The following KANK1 variants were observed in gnomAD, a reference collection of about 807,000 sequenced individuals.
KANK1 encodes KN motif and ankyrin repeat domains 1.
Under a neutral mutation model 106.2 loss-of-function variants are expected in KANK1, and 109 were observed. The observed-to-expected ratio is 1.03, with a 90% CI of 0.88 to 1.20. KANK1 has a LOEUF of 1.20. KANK1 is among the 50% of genes most tolerant of loss of function. The pLI is 0.00. For missense variants in KANK1, 2,399 were observed against 1,710.7 expected (o/e 1.40, Z -7.10); for synonymous variants, 873 against 652.2 (o/e 1.34, Z -5.16).
intron 1 of KANK1, among the ~76,000 whole-genome samples, chr9:663,065 T>G (rs1843723030): frequency 6.6e-6 from 1 of 152,196 alleles, no homozygotes; most frequent in Non-Finnish European, 1.5e-5. Flanking sequence ...CACACGAGCT[T>G]GTCATTAACA....
chr9:598,832 G>A (rs1434788051), intron 1 of KANK1, among the ~76,000 whole-genome samples: 27 of 148,976 alleles, frequency 1.8e-4, no homozygotes, highest in Admixed American at 1.3e-3. Flanking sequence ...GAGTCTTGAC[G>A]TGTTGGCCAG....
intron 1 of KANK1, among the ~76,000 whole-genome samples, chr9:524,935 G>A (rs1455582316): frequency 6.8e-6 from 1 of 146,008 alleles, no homozygotes; most frequent in Non-Finnish European, 1.5e-5. Flanking sequence ...AACTACTATT[G>A]TCTATTGCTT....
chr9:591,334 G>T (rs1824823202), intron 1 of KANK1, among the ~76,000 whole-genome samples: 1 of 151,690 alleles, frequency 6.6e-6, no homozygotes, highest in Non-Finnish European at 1.5e-5. Context: ...GAATGCCTTG[G>T]TATTTGTTGC....
At chr9:646,360 AAT>A (rs1839671352) in intron 1 of KANK1, among the ~76,000 whole-genome samples, 1 of 150,924 alleles carries the variant, frequency 6.6e-6, no homozygotes, top group Admixed American at 6.6e-5. Flanking sequence ...GAAAATTTAA[AAT>A]AAGTAAATAA....
In KANK1 at chr9:547,909, C is replaced by T. The variant is rs537954806; in HGVS notation, c.-84+43155C>T. 2.0e-5 allele frequency among the ~76,000 whole-genome samples: 3 copies of T among 152,312 alleles called. No homozygotes were observed. The East Asian group carries it at 5.8e-4, about 29-fold the overall frequency. ...TTTATTTCTGATTATGGCAGTCTTT[C>T]ATCATGTAATTTAAGAAGCCTGAGA... is the stretch of plus-strand genomic sequence containing the variant. On this transcript the variant is annotated intron_variant, in intron 1 of 11. Coordinates refer to ENST00000382297, the MANE Select transcript of KANK1 (RefSeq NM_015158.5).
intron 2 of KANK1, among the ~76,000 whole-genome samples, 160 bp from the exon 3 acceptor site, chr9:710,644 A>C (rs924050079): frequency 6.7e-6 from 1 of 150,172 alleles, no homozygotes; most frequent in African/African-American, 2.5e-5. Context: ...AAAAAACAAA[A>C]AAAACTTGCT....
At position 712,022 on chromosome 9, in the gene KANK1, C is replaced by G; in HGVS notation, c.1256C>G (p.Ser419Cys). 1.2e-6 allele frequency: 2 copies of G among 1,614,050 alleles called. No individual in the cohort carries two copies. Among genetic ancestry groups the G allele is most frequent in the East Asian group, 2.2e-5 (1 of 44,866 alleles). Reference protein sequence around the residue: ...MNDIVVYHRGSRSCKDAAVGT... With the variant: ...MNDIVVYHRGCRSCKDAAVGT... ...GACATCGTCGTGTACCACAGAGGCT[C>G]CAGGTCCTGTAAGGATGCAGCTGTA... Residue 419 changes from serine (S) to cysteine (C), a missense_variant, in exon 3 of 12, where the codon TCC becomes TGC. Coordinates refer to ENST00000382297, the MANE Select transcript of KANK1 (RefSeq NM_015158.5).
At chr9:475,221 G>C (rs756605695) in intron 3 of KANK1, among the ~76,000 whole-genome samples, 3 of 151,958 alleles carry the variant, frequency 2.0e-5, no homozygotes, top group Admixed American at 6.5e-5. Context: ...GGAATGCTAC[G>C]CTGGTAAGGG....
At chr9:598,611 G>A (rs370024172) in intron 1 of KANK1, among the ~76,000 whole-genome samples, 1 of 66,502 alleles carries the variant, frequency 1.5e-5, no homozygotes, top group Non-Finnish European at 3.6e-5. Flanking sequence ...GTTTTGTTTT[G>A]TTGGTTTTCT....
Position 742,265 on chromosome 9 carries a change from C to T in KANK1, c.3757C>T (p.Leu1253Phe), listed in dbSNP as rs1332268698. Reference protein sequence around the residue: ...SHGRIDMVKGLLACGADVNIQ... With the variant: ...SHGRIDMVKGFLACGADVNIQ... ...CGGACGGATAGACATGGTGAAGGGC[C>T]TTCTGGCCTGTGGGGCTGATGTCAA... The change falls in exon 10 of 12, where the codon CTT (leucine) becomes TTT (phenylalanine). Residue 1253 changes from leucine (L) to phenylalanine (F), a missense_variant. By Grantham distance (22) the Leu-to-Phe change is conservative. Coordinates refer to ENST00000382297, the MANE Select transcript of KANK1 (RefSeq NM_015158.5). 4 of 1,614,222 alleles carry T rather than the reference C, an allele frequency of 2.5e-6. No individual in the cohort carries two copies. Among genetic ancestry groups the T allele is most frequent in the South Asian group, 2.2e-5 (2 of 91,086 alleles).
chr9:564,978 G>A (rs1335562532), intron 1 of KANK1, among the ~76,000 whole-genome samples: 2 of 152,078 alleles, frequency 1.3e-5, no homozygotes, highest in East Asian at 1.9e-4. Flanking sequence ...TGTGCAGGGC[G>A]GCTTCACTGA....
intron 1 of KANK1, among the ~76,000 whole-genome samples, chr9:525,454 A>G (rs953234515): frequency 6.6e-6 from 1 of 150,672 alleles, no homozygotes; most frequent in African/African-American, 2.5e-5. Flanking sequence ...ATCTTGGCTC[A>G]CTGCAACTTC....
intron 1 of KANK1, among the ~76,000 whole-genome samples, chr9:669,440 A>T (rs1022997419): frequency 1.3e-5 from 2 of 152,154 alleles, no homozygotes; most frequent in African/African-American, 4.8e-5. Context: ...TCAGAAAAAG[A>T]CTATCTCTCC....
intron 3 of KANK1, among the ~76,000 whole-genome samples, chr9:724,452 CATT>C (rs1830149943): frequency 6.6e-6 from 1 of 152,126 alleles, no homozygotes. Context: ...TTTAAAAAGT[CATT>C]GTTGGTTATT....
chr9:500,116 G>GT (rs2058525344), upstream of KANK1, among the ~76,000 whole-genome samples: 2 of 152,164 alleles, frequency 1.3e-5, no homozygotes, highest in African/African-American at 4.8e-5. Context: ...TGCACCTGCT[G>GT]TTTTTTAAGC....
At chr9:670,918 T>G (rs1217277143) in intron 1 of KANK1, among the ~76,000 whole-genome samples, 1 of 150,532 alleles carries the variant, frequency 6.6e-6, no homozygotes, top group Non-Finnish European at 1.5e-5. Flanking sequence ...GTCACAGATA[T>G]GAAAATCTGA....
rs1172902715 is a variant in KANK1, at chr9:742,366, G to T, written c.3858G>T (p.Leu1286=). 1.2e-6 allele frequency: 2 copies of T among 1,613,958 alleles called. No homozygotes were observed. Among genetic ancestry groups the T allele is most frequent in the Non-Finnish European group, 8.5e-7 (1 of 1,180,020 alleles). The part of the protein sequence containing the change: ...EHGHVEIVKL[L]LAQPGCNGHL... Reference sequence around the variant, plus strand: ...GACACGTGGAGATTGTCAAGCTGCTGCTGGCCCAGCCCGGCTGCAACGGTC... The same window carrying T: ...GACACGTGGAGATTGTCAAGCTGCTTCTGGCCCAGCCCGGCTGCAACGGTC... Residue 1286 remains leucine (L), a synonymous_variant, in exon 10 of 12, where the codon CTG becomes CTT. Transcript: ENST00000382297.
At chr9:704,770 C>T (rs952241858) in intron 2 of KANK1, among the ~76,000 whole-genome samples, 3 of 151,996 alleles carry the variant, frequency 2.0e-5, no homozygotes, top group African/African-American at 7.3e-5. Flanking sequence ...TGCTTGAGGC[C>T]AGGAGTTCAA....
At chr9:475,943 C>G (rs1007879008) in intron 3 of KANK1, among the ~76,000 whole-genome samples, 5 of 151,910 alleles carry the variant, frequency 3.3e-5, no homozygotes, top group Non-Finnish European at 5.9e-5. Context: ...ACCTCTGCCT[C>G]CTGGGTTCAA....
Sources: allele counts gnomAD v4.1 joint callset (sites outside exome capture counted in the v4.1 genomes callset), GRCh38; gene constraint gnomAD v4.1.1; transcripts MANE v1.5; gene names NCBI Gene and HGNC (gene_info 2026-07-23, HGNC 2026-07-21).